The following ADAMTS19 variants were observed in gnomAD, a reference collection of about 807,000 sequenced individuals.
ADAMTS19 encodes the protein A disintegrin and metalloproteinase with thrombospondin motifs 19.
In ADAMTS19, 93 loss-of-function variants were observed where a neutral mutation model predicts 153.3. The observed-to-expected ratio is 0.61, with a 90% CI of 0.51 to 0.72. The LOEUF is 0.72. Ranked by LOEUF, ADAMTS19 falls within the 30% of genes least tolerant of loss-of-function variation. The pLI is 0.00. For synonymous variants in ADAMTS19, 600 were observed against 556.6 expected (o/e 1.08, Z -1.10); for missense variants, 1,482 against 1,552.1 (o/e 0.95, Z 0.76).
intron 18 of ADAMTS19, chr5:129,688,070 T>C (rs1755169967): frequency 6.6e-6 from 1 of 152,182 alleles, no homozygotes; most frequent in South Asian, 2.1e-4. Flanking sequence ...ATTTCTGGGC[T>C]TTTGGATATT....
chr5:129,627,657 C>G (rs1236233219), intron 10 of ADAMTS19, among the ~76,000 whole-genome samples: 1 of 151,800 alleles, frequency 6.6e-6, no homozygotes, highest in Non-Finnish European at 1.5e-5. Context: ...CCGACACTTT[C>G]CAAAAGACAT....
intron 7 of ADAMTS19, among the ~76,000 whole-genome samples, chr5:129,552,281 C>T (rs1279499202): frequency 1.3e-5 from 2 of 151,610 alleles, no homozygotes; most frequent in African/African-American, 4.8e-5. Flanking sequence ...GTTATGTATG[C>T]TTAAAGACCT....
chr5:129,539,664 G>A (rs1236623075), intron 6 of ADAMTS19, among the ~76,000 whole-genome samples: 2 of 151,990 alleles, frequency 1.3e-5, no homozygotes, highest in Non-Finnish European at 2.9e-5. Context: ...TCTGTTTATA[G>A]AACTTTCTAA....
intron 7 of ADAMTS19, among the ~76,000 whole-genome samples, chr5:129,584,183 G>C (rs1034995256): frequency 1.3e-5 from 2 of 152,070 alleles, no homozygotes; most frequent in Non-Finnish European, 2.9e-5. Context: ...GTTTGCTGGA[G>C]GTCCACTCCA....
At chr5:129,657,111 A>G (rs1753580885) in intron 14 of ADAMTS19, among the ~76,000 whole-genome samples, 1 of 151,972 alleles carries the variant, frequency 6.6e-6, no homozygotes, top group Non-Finnish European at 1.5e-5. Flanking sequence ...CATTCTCTTT[A>G]TTTCTCCCTG....
At chr5:129,507,532 A>C (rs544970930) in intron 2 of ADAMTS19, among the ~76,000 whole-genome samples, 1 of 152,076 alleles carries the variant, frequency 6.6e-6, no homozygotes, top group Admixed American at 6.6e-5. Context: ...AACTTACTTG[A>C]AGTTATTTGA....
chr5:129,587,030 TTTC>T (rs1457983888), intron 7 of ADAMTS19, among the ~76,000 whole-genome samples: 2 of 150,516 alleles, frequency 1.3e-5, no homozygotes, highest in African/African-American at 2.4e-5. Context: ...TTCTAATTAT[TTTC>T]TTCTCTGTTG....
intron 7 of ADAMTS19, among the ~76,000 whole-genome samples, chr5:129,592,377 C>CAAAAAAAA (rs1169388973): frequency 2.5e-5 from 2 of 79,584 alleles, no homozygotes; most frequent in African/African-American, 4.2e-5. Context: ...GTCTCCGTTT[C>CAAAAAAAA]AAAAAAAAAA....
At chr5:129,467,004 A>AC (rs1749888000) in intron 2 of ADAMTS19, among the ~76,000 whole-genome samples, 2 of 152,214 alleles carry the variant, frequency 1.3e-5, no homozygotes, top group African/African-American at 4.8e-5. Context: ...TTTTTAAACA[A>AC]CTTTCTTATT....
rs191147477 is a variant in ADAMTS19 at position 129,584,125 on chromosome 5, T to G, written c.1373-12434T>G. 2.2e-4 allele frequency among the ~76,000 whole-genome samples: 34 copies of G among 152,258 alleles called. No homozygotes were observed. The East Asian group carries it at 6.0e-3, about 27-fold the overall frequency. On this transcript the variant is annotated intron_variant, in intron 7 of 22. Transcript: ENST00000274487. ...TGGATGTGCTAATCCTTTCTGTTTG[T>G]TAGTTTCCCTTCTAACAGTCAGGCC...
At chr5:129,540,095 T>A (rs1200417701) in intron 6 of ADAMTS19, among the ~76,000 whole-genome samples, 1 of 152,114 alleles carries the variant, frequency 6.6e-6, no homozygotes, top group Non-Finnish European at 1.5e-5. Context: ...AAAATGTTAA[T>A]CTCCCTGGAT....
intron 10 of ADAMTS19, among the ~76,000 whole-genome samples, chr5:129,630,734 A>G (rs1172790261): frequency 6.6e-6 from 1 of 152,054 alleles, no homozygotes; most frequent in Non-Finnish European, 1.5e-5. Flanking sequence ...TTATTGTTTG[A>G]AATGTATCAA....
chr5:129,633,252 A>G (rs1008465579), intron 10 of ADAMTS19, among the ~76,000 whole-genome samples: 8 of 152,114 alleles, frequency 5.3e-5, no homozygotes, highest in African/African-American at 1.7e-4. Context: ...CTCTTGAGAT[A>G]TCTTTTCATT....
chr5:129,683,717 G>C (rs1293833547), intron 17 of ADAMTS19, among the ~76,000 whole-genome samples: 1 of 151,324 alleles, frequency 6.6e-6, no homozygotes, highest in Admixed American at 6.6e-5. Flanking sequence ...GTCACACCTT[G>C]ATATATGATA....
At chr5:129,553,824 A>G (rs908097945) in intron 7 of ADAMTS19, among the ~76,000 whole-genome samples, 2 of 152,074 alleles carry the variant, frequency 1.3e-5, no homozygotes, top group African/African-American at 4.8e-5. Flanking sequence ...AATCTGTTTC[A>G]CCCAAACCCC....
chr5:129,650,228 A>G (rs1279270234), intron 13 of ADAMTS19, among the ~76,000 whole-genome samples: 1 of 152,142 alleles, frequency 6.6e-6, no homozygotes, highest in East Asian at 1.9e-4. Context: ...GTGTGGGCTG[A>G]GTTGCAGCCA....
chr5:129,588,663 C>T (rs1243385222), intron 7 of ADAMTS19, among the ~76,000 whole-genome samples: 3 of 151,522 alleles, frequency 2.0e-5, no homozygotes. Flanking sequence ...TCCTTTTATG[C>T]ATAATAATAT....
intron 6 of ADAMTS19, among the ~76,000 whole-genome samples, chr5:129,530,670 A>T (rs1034580064): frequency 2.0e-5 from 3 of 152,154 alleles, no homozygotes; most frequent in Admixed American, 6.6e-5. Context: ...AAGGGTATCT[A>T]TCGAAACATA....
At chr5:129,633,544 G>A (rs1752401497) in intron 10 of ADAMTS19, among the ~76,000 whole-genome samples, 1 of 152,122 alleles carries the variant, frequency 6.6e-6, no homozygotes, top group African/African-American at 2.4e-5. Flanking sequence ...CCGCCCTCAA[G>A]CTACAATGGC....
Sources: allele counts gnomAD v4.1 joint callset (sites outside exome capture counted in the v4.1 genomes callset), GRCh38; gene constraint gnomAD v4.1.1; transcripts MANE v1.5; gene names NCBI Gene and HGNC (gene_info 2026-07-23, HGNC 2026-07-21).